The following TBL1XR1 variants were observed in gnomAD, a reference collection of about 807,000 sequenced individuals.
The protein encoded by TBL1XR1 is F-box-like/WD repeat-containing protein TBL1XR1.
A neutral mutation model predicts 66.9 loss-of-function variants in TBL1XR1; 5 were observed. The observed-to-expected ratio is 0.07, with a 90% CI of 0.04 to 0.16. The LOEUF is 0.16. Among genes scored for constraint, TBL1XR1 ranks in the 10% least tolerant of loss-of-function variants. The pLI is 1.00. For missense variants in TBL1XR1, 238 were observed against 623.2 expected, an observed-to-expected ratio of 0.38 and a Z score of 6.58; for synonymous variants, 210 against 206.0, an observed-to-expected ratio of 1.02 and a Z score of -0.17.
rs540973834 is a variant in TBL1XR1, at chr3:177,138,102, G to A, written c.-121-39561C>T. 7.2e-5 allele frequency among the ~76,000 whole-genome samples: 11 copies of A among 152,274 alleles called. 1 individual carries two copies. In the South Asian group the frequency reaches 2.3e-3, roughly 32 times the overall value. On this transcript the variant is annotated intron_variant, in intron 1 of 15. Coordinates refer to ENST00000457928, the MANE Select transcript of TBL1XR1 (RefSeq NM_024665.7). ...AAAACCCACGTTTAAGACATGAAAG[G>A]CTTTTCAAGGCCACACTAGAGAAGT...
intron 7 of TBL1XR1, 179 bp from the exon 8 acceptor site, chr3:177,047,728 G>A: frequency 1.6e-6 from 1 of 621,136 alleles, no homozygotes; most frequent in Admixed American, 3.0e-5. Context: ...CTTCCACTGT[G>A]TGACACTAAT....
At chr3:177,068,915 A>G (rs1224680070) in intron 2 of TBL1XR1, among the ~76,000 whole-genome samples, 1 of 152,250 alleles carries the variant, frequency 6.6e-6, no homozygotes, top group Non-Finnish European at 1.5e-5. Context: ...TGTAATCGAA[A>G]TTACTTTATC....
intron 2 of TBL1XR1, among the ~76,000 whole-genome samples, chr3:177,069,717 C>G (rs753236507): frequency 5.4e-5 from 8 of 148,704 alleles, no homozygotes; most frequent in Admixed American, 6.8e-5. Flanking sequence ...CCAGCCTGGG[C>G]AACAGAGGAA....
chr3:177,175,651 C>T (rs976986825), intron 1 of TBL1XR1, among the ~76,000 whole-genome samples: 18 of 152,230 alleles, frequency 1.2e-4, no homozygotes, highest in Admixed American at 1.0e-3. Context: ...TTCAACATAA[C>T]GTGTTAAGGA....
intron 2 of TBL1XR1, among the ~76,000 whole-genome samples, chr3:177,065,380 A>G (rs1012220479): frequency 6.6e-6 from 1 of 152,240 alleles, no homozygotes; most frequent in African/African-American, 2.4e-5. Flanking sequence ...AGTTATTTGC[A>G]AGAAGGCTGA....
At position 177,034,181 on chromosome 3, in the gene TBL1XR1, TGAAACA is replaced by T; in HGVS notation, c.1250+11_1250+16del. The T allele has an allele frequency of 6.3e-7, 1 of 1,597,314 alleles. No homozygotes were observed. Among genetic ancestry groups the T allele is most frequent in the Non-Finnish European group, 8.5e-7 (1 of 1,175,672 alleles). On this transcript the variant is annotated intron_variant, in intron 13 of 15. Transcript: ENST00000457928. ...TGTAGAAGACTCATAAAAGGAAAAA[TGAAACA>T]GAAGTATCACCTTGCTAACATAAGG...
At chr3:177,112,839 C>T (rs537629322) in intron 1 of TBL1XR1, among the ~76,000 whole-genome samples, 8 of 151,972 alleles carry the variant, frequency 5.3e-5, no homozygotes, top group African/African-American at 9.7e-5. Flanking sequence ...CCCGTCTCTA[C>T]TAAAAATACA....
intron 1 of TBL1XR1, among the ~76,000 whole-genome samples, chr3:177,179,941 A>G (rs1734608115): frequency 6.6e-6 from 1 of 152,288 alleles, no homozygotes; most frequent in Middle Eastern, 3.4e-3. Flanking sequence ...AACAAATTAA[A>G]AAACATACCC....
chr3:177,051,824 C>G (rs1003598244), intron 4 of TBL1XR1, 98 bp from the exon 5 acceptor site: 21 of 1,368,178 alleles, frequency 1.5e-5, no homozygotes, highest in Non-Finnish European at 2.0e-5. Flanking sequence ...ATCTTCGTTC[C>G]TAAAAAAACA....
intron 2 of TBL1XR1, among the ~76,000 whole-genome samples, chr3:177,069,793 A>AAAAGGAAGGAAGGAAGGAAGGAAGG (rs1553824721): frequency 2.2e-5 from 2 of 92,342 alleles, no homozygotes; most frequent in East Asian, 5.6e-4. Flanking sequence ...AAAAGGAAGG[A>AAAAGGAAGGAAGGAAGGAAGGAAGG]AAGGAAGGAA....
At chr3:177,061,240 T>G (rs987448201) in intron 3 of TBL1XR1, among the ~76,000 whole-genome samples, 3 of 152,166 alleles carry the variant, frequency 2.0e-5, no homozygotes, top group Non-Finnish European at 4.4e-5. Flanking sequence ...ACGTATTTTA[T>G]AGGTGAGAAA....
chr3:177,134,635 T>TTA (rs1728685413), intron 1 of TBL1XR1, among the ~76,000 whole-genome samples: 1 of 152,138 alleles, frequency 6.6e-6, no homozygotes, highest in African/African-American at 2.4e-5. Context: ...AATACCCCAT[T>TTA]TAGCTGGTGG....
chr3:177,189,336 GTGATA>G (rs1735827547), intron 1 of TBL1XR1, among the ~76,000 whole-genome samples: 1 of 152,102 alleles, frequency 6.6e-6, no homozygotes, highest in Non-Finnish European at 1.5e-5. Context: ...GGCCAACAAG[GTGATA>G]TCCCATCTCT....
At chr3:177,190,996 G>A (rs1736073602) in intron 1 of TBL1XR1, among the ~76,000 whole-genome samples, 3 of 152,122 alleles carry the variant, frequency 2.0e-5, no homozygotes, top group Admixed American at 1.3e-4. Flanking sequence ...GGCCAGAAAA[G>A]GATTCATGGA....
At chr3:177,053,523 T>A (rs927492694) in intron 4 of TBL1XR1, among the ~76,000 whole-genome samples, 6 of 152,228 alleles carry the variant, frequency 3.9e-5, no homozygotes, top group Non-Finnish European at 7.3e-5. Flanking sequence ...GCTGTTGTGT[T>A]AATAAAAATT....
intron 1 of TBL1XR1, among the ~76,000 whole-genome samples, chr3:177,135,348 T>C (rs1468482731): frequency 0.17 from 4,680 of 27,036 alleles, 314 homozygotes; most frequent in East Asian, 0.36. Flanking sequence ...CATATATATA[T>C]ATATATATAT....
rs950409318 is a variant in TBL1XR1, at chr3:177,043,247, GAGA to G, written c.925+2879_925+2881del. Among the ~76,000 whole-genome samples the G allele has an allele frequency of 1.4e-4, 21 of 152,144 alleles. No homozygotes were observed. In the South Asian group the frequency reaches 2.5e-3, roughly 18 times the overall value. On this transcript the variant is annotated intron_variant, in intron 10 of 15. Transcript: ENST00000457928. ...ATCTTCTCAGTCCATCAATTATTGAGAGAAGAATACTAAAGTCTTCAACAATTG... is the reference window on the plus strand; with the variant it reads ...ATCTTCTCAGTCCATCAATTATTGAGAGAATACTAAAGTCTTCAACAATTG...
chr3:177,134,254 TGTTGCTTGCAAACAAAAAACCTG>T (rs2108796332), intron 1 of TBL1XR1, among the ~76,000 whole-genome samples: 1 of 152,338 alleles, frequency 6.6e-6, no homozygotes, highest in Non-Finnish European at 1.5e-5. Context: ...AGACTGATTC[TGTTGCTTGCAAACAAAAAACCTG>T]GAGTCAAGGA....
At chr3:177,187,981 G>A (rs541586269) in intron 1 of TBL1XR1, among the ~76,000 whole-genome samples, 12 of 117,868 alleles carry the variant, frequency 1.0e-4, no homozygotes, top group Middle Eastern at 7.2e-3. Context: ...ATGGAGTCTC[G>A]CTCTATTGCC....
Sources: allele counts gnomAD v4.1 joint callset (sites outside exome capture counted in the v4.1 genomes callset), GRCh38; gene constraint gnomAD v4.1.1; transcripts MANE v1.5; gene names NCBI Gene and HGNC (gene_info 2026-07-23, HGNC 2026-07-21).